ARHGAP21: variants seen among roughly 807,000 people sequenced by gnomAD.
ARHGAP21 encodes Rho GTPase activating protein 21.
Under a neutral mutation model 164.6 loss-of-function variants are expected in ARHGAP21, and 38 were observed. That is an observed-to-expected ratio of 0.23 (90% CI 0.18 to 0.30). ARHGAP21 has a LOEUF of 0.30. ARHGAP21 is among the 10% of genes least tolerant of loss of function. The probability of loss-of-function intolerance (pLI) is 1.00; values close to 1 mark genes in which losing one functional copy is unlikely to be tolerated. For synonymous variants in ARHGAP21, 766 were observed against 857.9 expected, an observed-to-expected ratio of 0.89 and a Z score of 1.87; for missense variants, 1,822 against 2,370.7, an observed-to-expected ratio of 0.77 and a Z score of 4.81.
intron 4 of ARHGAP21, among the ~76,000 whole-genome samples, chr10:24,656,053 C>T (rs1838827149): frequency 6.7e-6 from 1 of 148,204 alleles, no homozygotes; most frequent in African/African-American, 2.5e-5. Context: ...AGCCCCTCCG[C>T]CCGGCAGCTG....
chr10:24,622,929 T>C (rs891478760), intron 7 of ARHGAP21, 167 bp from the exon 8 acceptor site: 1 of 572,846 alleles, frequency 1.7e-6, no homozygotes, highest in African/African-American at 1.9e-5. Flanking sequence ...ATAACTCCAG[T>C]ATTCTTCTGA....
At chr10:24,658,537 G>C (rs372400237) in intron 4 of ARHGAP21, among the ~76,000 whole-genome samples, 1 of 152,174 alleles carries the variant, frequency 6.6e-6, no homozygotes, top group Non-Finnish European at 1.5e-5. Flanking sequence ...TAGAGACGTC[G>C]ATGAAGCTAG....
Position 24,620,067 on chromosome 10 carries a change from C to T in ARHGAP21, c.1828G>A (p.Gly610Ser). 1.2e-6 allele frequency: 2 copies of T among 1,613,808 alleles called. No individual in the cohort carries two copies. Among genetic ancestry groups the T allele is most frequent in the Non-Finnish European group, 1.7e-6 (2 of 1,179,840 alleles). ...QTTCGMSLPRGISQDRSPLVK... is the reference protein window; with the variant it reads ...QTTCGMSLPRSISQDRSPLVK... ...AGAGGTGACCTGTCTTGTGAAATAC[C>T]CCGAGGCAGTGACATTCCACAAGTA... Residue 610 changes from glycine to serine, a missense_variant, in exon 9 of 26, where the codon GGT (glycine) becomes AGT (serine). Around this residue, in one of 5 missense-constraint regions of ARHGAP21, gnomAD observed 1,090 missense variants for 1,378.9 expected, o/e 0.79. Transcript: ENST00000396432.
At chr10:24,598,635 T>G (rs1370169512) in intron 14 of ARHGAP21, among the ~76,000 whole-genome samples, 1 of 152,216 alleles carries the variant, frequency 6.6e-6, no homozygotes, top group Non-Finnish European at 1.5e-5. Context: ...GATCCTTTTT[T>G]TCCTATTCAT....
Position 24,620,341 on chromosome 10 carries a change from G to A in ARHGAP21, c.1554C>T (p.Ser518=), listed in dbSNP as rs1226539326. 6 of 1,613,718 alleles carry A rather than the reference G, an allele frequency of 3.7e-6. No homozygotes were observed. Among genetic ancestry groups the A allele is most frequent in the Middle Eastern group, 1.6e-4 (1 of 6,078 alleles). ...NVNSGTPIPD[S]NGEKKQTYKW... ...TGTAAGTCTGTTTTTTCTCTCCATT[G>A]GAATCAGGTATTGGAGTTCCAGAAT... The change falls in exon 9 of 26, where the codon TCC becomes TCT. Residue 518 remains serine, a synonymous_variant. Coordinates refer to ENST00000396432, the MANE Select transcript of ARHGAP21 (RefSeq NM_020824.4).
intron 7 of ARHGAP21, chr10:24,629,263 A>G (rs1835609252): frequency 1.3e-5 from 2 of 151,614 alleles, no homozygotes; most frequent in South Asian, 4.2e-4. Context: ...TCGGCCTCCC[A>G]AAGTGCTGGG....
intron 10 of ARHGAP21, 36 bp downstream of exon 10, chr10:24,607,709 T>G: frequency 6.2e-7 from 1 of 1,611,882 alleles, no homozygotes; most frequent in Non-Finnish European, 8.5e-7. Flanking sequence ...AAACAGAGCA[T>G]GAGATACGGT....
At chr10:24,666,073 A>G (rs1411090118) in intron 4 of ARHGAP21, among the ~76,000 whole-genome samples, 1 of 152,216 alleles carries the variant, frequency 6.6e-6, no homozygotes, top group East Asian at 1.9e-4. Context: ...CCTGTCCCCC[A>G]GGCTGGAGTG....
chr10:24,658,834 T>C (rs953792426), intron 4 of ARHGAP21, among the ~76,000 whole-genome samples: 78 of 151,982 alleles, frequency 5.1e-4, no homozygotes, highest in African/African-American at 1.6e-3. Flanking sequence ...AAAATACTTA[T>C]ACCTCAACAA....
At chr10:24,626,551 G>A (rs982829232) in intron 7 of ARHGAP21, among the ~76,000 whole-genome samples, 12 of 152,060 alleles carry the variant, frequency 7.9e-5, no homozygotes, top group Admixed American at 7.9e-4. Flanking sequence ...CCTTGACCTT[G>A]GGCTTCCCAG....
intron 2 of ARHGAP21, among the ~76,000 whole-genome samples, chr10:24,700,320 G>A (rs529956084): frequency 1.9e-4 from 29 of 152,200 alleles, no homozygotes; most frequent in Non-Finnish European, 3.5e-4. Context: ...GAGTGTGGAA[G>A]TGCGCCGCAA....
chr10:24,721,438 T>C (rs923670703), intron 2 of ARHGAP21, among the ~76,000 whole-genome samples: 2 of 152,144 alleles, frequency 1.3e-5, no homozygotes, highest in Admixed American at 6.5e-5. Flanking sequence ...TCTCTGCACC[T>C]TGGAGCAGAC....
At chr10:24,696,168 C>CA (rs1843154830) in intron 2 of ARHGAP21, among the ~76,000 whole-genome samples, 1 of 152,202 alleles carries the variant, frequency 6.6e-6, no homozygotes, top group African/African-American at 2.4e-5. Flanking sequence ...AAAGAGGACA[C>CA]AAACAGTGGG....
intron 2 of ARHGAP21, among the ~76,000 whole-genome samples, chr10:24,671,375 A>T (rs1037277843): frequency 6.6e-6 from 1 of 152,140 alleles, no homozygotes; most frequent in African/African-American, 2.4e-5. Flanking sequence ...TTCATCCTAG[A>T]TGACTATTTC....
Position 24,597,564 on chromosome 10 carries a change from T to C in ARHGAP21, c.3217A>G (p.Lys1073Glu). 6.2e-7 allele frequency: 1 copy of C among 1,614,130 alleles called. No homozygotes were observed. The highest frequency in any genetic ancestry group is 8.5e-7 in the Non-Finnish European group (1 of 1,179,984). Residue 1073 changes from lysine (K) to glutamate (E), a missense_variant, in exon 16 of 26, where the codon AAA becomes GAA. Coordinates refer to ENST00000396432, the MANE Select transcript of ARHGAP21 (RefSeq NM_020824.4). ...NLMSKAEQLP[K>E]TPRQSLSIRQ... ...ATGCTGAGACTCTGGCGAGGTGTTTTTGGCAACTGTTCTGCTTTGCTGTTG... is the reference window on the plus strand; with the variant it reads ...ATGCTGAGACTCTGGCGAGGTGTTTCTGGCAACTGTTCTGCTTTGCTGTTG...
chr10:24,620,131 T>C lies in ARHGAP21; in HGVS notation c.1764A>G (p.Pro588=). 1 of 1,614,026 alleles carries C rather than the reference T, an allele frequency of 6.2e-7. No homozygotes were observed. Among genetic ancestry groups the C allele is most frequent in the African/African-American group, 1.3e-5 (1 of 75,060 alleles). Reference sequence around the variant, plus strand: ...TGTTTGACTGCAATGTTTTTAGATCTGGTGGAATTTTTTTAAACTGCGACA... The same window carrying C: ...TGTTTGACTGCAATGTTTTTAGATCCGGTGGAATTTTTTTAAACTGCGACA... ...GSVSQFKKIP[P]DLKTLQSNRN... is the part of the protein sequence containing the mutation. The change falls in exon 9 of 26, where the codon CCA becomes CCG. Residue 588 remains proline (P), a synonymous_variant. Transcript: ENST00000396432.
intron 2 of ARHGAP21, among the ~76,000 whole-genome samples, chr10:24,697,199 A>G (rs957341448): frequency 6.6e-6 from 1 of 152,164 alleles, no homozygotes; most frequent in African/African-American, 2.4e-5. Flanking sequence ...CATTAAGCCA[A>G]GGGAAACCAT....
At chr10:24,665,727 T>C (rs980071558) in intron 4 of ARHGAP21, among the ~76,000 whole-genome samples, 1 of 152,180 alleles carries the variant, frequency 6.6e-6, no homozygotes, top group Admixed American at 6.5e-5. Flanking sequence ...AACTATACAC[T>C]TACAATAGAT....
In ARHGAP21 at chr10:24,621,252, C is replaced by G. The variant is rs1344165556; in HGVS notation, c.643G>C (p.Ala215Pro). ...GGAGGAGATATTTCAACTGGCTGTGCCATGGCTGATGGGGCAGATGGCAGC... is the reference window on the plus strand; with the variant it reads ...GGAGGAGATATTTCAACTGGCTGTGGCATGGCTGATGGGGCAGATGGCAGC... Reference protein sequence around the residue: ...PWLPSAPSAMAQPVEISPPDS... With the variant: ...PWLPSAPSAMPQPVEISPPDS... Residue 215 changes from alanine (A) to proline (P), a missense_variant, in exon 9 of 26, where the codon GCA becomes CCA. Ala to Pro is a conservative substitution (Grantham distance 27). Transcript: ENST00000396432. 6.2e-7 allele frequency: 1 copy of G among 1,613,876 alleles called. No individual in the cohort carries two copies. The highest frequency in any genetic ancestry group is 8.5e-7 in the Non-Finnish European group (1 of 1,179,860).
Sources: allele counts gnomAD v4.1 joint callset (sites outside exome capture counted in the v4.1 genomes callset), GRCh38; gene constraint gnomAD v4.1.1; regional missense constraint gnomAD v4.1.1; transcripts MANE v1.5; gene names NCBI Gene and HGNC (gene_info 2026-07-23, HGNC 2026-07-21).